The following THSD4 variants were observed in gnomAD, a reference collection of about 807,000 sequenced individuals.
THSD4 encodes thrombospondin type 1 domain containing 4.
Under a neutral mutation model 119.0 loss-of-function variants are expected in THSD4, and 69 were observed. The observed-to-expected ratio is 0.58, with a 90% CI of 0.48 to 0.71. The LOEUF is 0.71. Ranked by LOEUF, THSD4 falls within the 30% of genes least tolerant of loss-of-function variation. THSD4 has a pLI of 0.00. For missense variants in THSD4, 1,393 were observed against 1,391.1 expected (o/e 1.00, Z -0.02); for synonymous variants, 524 against 540.4 (o/e 0.97, Z 0.42).
At chr15:71,503,570 G>A (rs2048144773) in intron 7 of THSD4, among the ~76,000 whole-genome samples, 1 of 152,152 alleles carries the variant, frequency 6.6e-6, no homozygotes, top group Non-Finnish European at 1.5e-5. Flanking sequence ...CGTCACTGCA[G>A]CATGCTGAGA....
At chr15:71,668,537 C>A (rs2051459825) in intron 8 of THSD4, among the ~76,000 whole-genome samples, 1 of 152,120 alleles carries the variant, frequency 6.6e-6, no homozygotes, top group African/African-American at 2.4e-5. Context: ...GGAACAGACA[C>A]CCCCACTCCC....
At chr15:71,584,624 A>C (rs973345707) in intron 7 of THSD4, among the ~76,000 whole-genome samples, 1 of 152,174 alleles carries the variant, frequency 6.6e-6, no homozygotes, top group Non-Finnish European at 1.5e-5. Flanking sequence ...TGAATCTCTG[A>C]TAGGCAATGT....
intron 6 of THSD4, among the ~76,000 whole-genome samples, chr15:71,372,319 C>T (rs533870384): frequency 1.4e-4 from 21 of 152,330 alleles, no homozygotes; most frequent in East Asian, 1.9e-4. Context: ...CCGTTGCTGG[C>T]GAGGAGCTGC....
intron 8 of THSD4, among the ~76,000 whole-genome samples, chr15:71,671,595 T>C (rs2051529823): frequency 1.3e-5 from 2 of 152,240 alleles, no homozygotes; most frequent in South Asian, 4.1e-4. Context: ...TAGGTTTTCT[T>C]CTAGGGTTTT....
intron 7 of THSD4, among the ~76,000 whole-genome samples, chr15:71,431,582 T>A (rs1311462340): frequency 6.6e-6 from 1 of 152,142 alleles, no homozygotes; most frequent in Non-Finnish European, 1.5e-5. Context: ...AAAGCAGTTC[T>A]CAAATGCCAA....
At chr15:71,281,607 C>T (rs1456187737) in intron 6 of THSD4, among the ~76,000 whole-genome samples, 1 of 152,070 alleles carries the variant, frequency 6.6e-6, no homozygotes, top group Non-Finnish European at 1.5e-5. Flanking sequence ...GCACATTTAC[C>T]CTAGAGAAGT....
intron 6 of THSD4, among the ~76,000 whole-genome samples, chr15:71,351,597 C>G (rs769376258): frequency 6.6e-6 from 1 of 152,188 alleles, no homozygotes; most frequent in African/African-American, 2.4e-5. Context: ...AAATGCTTCT[C>G]ACATGTGCTC....
chr15:71,190,479 G>A (rs2141439013), intron 3 of THSD4, among the ~76,000 whole-genome samples: 1 of 152,310 alleles, frequency 6.6e-6, no homozygotes, highest in South Asian at 2.1e-4. Flanking sequence ...GGTACGGTTA[G>A]GGCTGACAGC....
At chr15:71,518,537 A>C (rs1434975803) in intron 7 of THSD4, among the ~76,000 whole-genome samples, 1 of 152,202 alleles carries the variant, frequency 6.6e-6, no homozygotes, top group African/African-American at 2.4e-5. Context: ...TTTAAGGTTT[A>C]TGTTATCCTC....
intron 7 of THSD4, among the ~76,000 whole-genome samples, chr15:71,650,080 G>C (rs2051054186): frequency 6.6e-6 from 1 of 152,138 alleles, no homozygotes; most frequent in Admixed American, 6.5e-5. Flanking sequence ...GAGTCAGCAA[G>C]TTATAGCCCA....
rs546143166 is a variant in THSD4 at position 71,697,309 on chromosome 15, A to G, written c.1358-31240A>G. ...GGGATGGAGGACAGCAGCATGAACAAGATCTATGAGAGGTGCATGAAATTG... is the reference window on the plus strand; with the variant it reads ...GGGATGGAGGACAGCAGCATGAACAGGATCTATGAGAGGTGCATGAAATTG... On this transcript the variant is annotated intron_variant, in intron 8 of 17. Coordinates refer to ENST00000261862, the MANE Select transcript of THSD4 (RefSeq NM_024817.3). 3.9e-5 allele frequency among the ~76,000 whole-genome samples: 6 copies of G among 152,346 alleles called. No homozygotes were observed. The South Asian group carries it at 1.0e-3, about 26-fold the overall frequency.
intron 7 of THSD4, among the ~76,000 whole-genome samples, chr15:71,500,395 G>A (rs572508154): frequency 3.2e-4 from 48 of 152,146 alleles, no homozygotes; most frequent in South Asian, 2.1e-3. Flanking sequence ...CAGATATATC[G>A]TTTGCAAATA....
chr15:71,430,917 T>C (rs2046935918), intron 7 of THSD4, among the ~76,000 whole-genome samples: 1 of 152,164 alleles, frequency 6.6e-6, no homozygotes, highest in South Asian at 2.1e-4. Flanking sequence ...TGGTCATAGA[T>C]GAAAATATGA....
chr15:71,637,440 G>A (rs375058385), intron 7 of THSD4, among the ~76,000 whole-genome samples: 33 of 152,122 alleles, frequency 2.2e-4, no homozygotes, highest in African/African-American at 7.2e-4. Context: ...TCTCAGTGTC[G>A]TGGAAGGCAG....
At chr15:71,444,370 C>T (rs1297020736) in intron 7 of THSD4, among the ~76,000 whole-genome samples, 1 of 152,208 alleles carries the variant, frequency 6.6e-6, no homozygotes, top group Admixed American at 6.5e-5. Flanking sequence ...TGAAGAGTCC[C>T]AGACTGATGC....
chr15:71,307,911 A>G (rs900124439), intron 6 of THSD4, among the ~76,000 whole-genome samples: 1 of 152,238 alleles, frequency 6.6e-6, no homozygotes, highest in Non-Finnish European at 1.5e-5. Flanking sequence ...ATCCCCTCCC[A>G]GTGGAGTTGC....
intron 6 of THSD4, among the ~76,000 whole-genome samples, chr15:71,393,817 G>A (rs1262355990): frequency 1.3e-5 from 2 of 152,226 alleles, no homozygotes; most frequent in East Asian, 3.9e-4. Flanking sequence ...AGGGCCTTCC[G>A]GAGCCTCCTA....
At chr15:71,497,605 T>C (rs868517506) in intron 7 of THSD4, among the ~76,000 whole-genome samples, 20 of 152,080 alleles carry the variant, frequency 1.3e-4, no homozygotes, top group Middle Eastern at 3.2e-3. Context: ...ATTTATTTTG[T>C]AGTGCCTACT....
chr15:71,152,268 T>C (rs2040729579), intron 2 of THSD4, among the ~76,000 whole-genome samples: 1 of 151,598 alleles, frequency 6.6e-6, no homozygotes, highest in African/African-American at 2.4e-5. Flanking sequence ...ACTAAAAATA[T>C]AAAAATTAGC....
Sources: allele counts gnomAD v4.1 joint callset (sites outside exome capture counted in the v4.1 genomes callset), GRCh38; gene constraint gnomAD v4.1.1; transcripts MANE v1.5; gene names NCBI Gene and HGNC (gene_info 2026-07-23, HGNC 2026-07-21).